TASP1: variants seen among roughly 807,000 people sequenced by gnomAD.
The protein encoded by TASP1 is taspase 1.
In TASP1, 16 loss-of-function variants were observed where a neutral mutation model predicts 56.6. That is an observed-to-expected ratio of 0.28 (90% CI 0.19 to 0.43). The LOEUF (loss-of-function observed/expected upper bound fraction) is 0.43, where lower values mean the gene tolerates loss of function less well. Ranked by LOEUF, TASP1 falls within the 20% of genes least tolerant of loss-of-function variation. The pLI is 1.00. For synonymous variants in TASP1, 179 were observed against 184.2 expected (o/e 0.97, Z 0.23); for missense variants, 393 against 511.6 (o/e 0.77, Z 2.24).
At chr20:13,269,632 G>T in the TASP1 span, among the ~76,000 whole-genome samples, 1 of 152,016 alleles carries the variant, frequency 6.6e-6, no homozygotes, top group African/African-American at 2.4e-5. Context: ...CCAGATTATG[G>T]CAGGGTGCCA....
chr20:13,154,275 C>CGT, the TASP1 span: 4 of 1,120,434 alleles, frequency 3.6e-6, no homozygotes, highest in Non-Finnish European at 5.0e-6. Context: ...TCTCGGAAGC[C>CGT]ACCTGTCACT....
the TASP1 span, among the ~76,000 whole-genome samples, chr20:13,249,491 G>A: frequency 0.11 from 16,349 of 152,240 alleles, 1,039 homozygotes; most frequent in African/African-American, 0.16. Context: ...CCAGGCAAAA[G>A]CCCAATCGAG....
At chr20:13,442,089 T>G (rs2043233518) in intron 11 of TASP1, among the ~76,000 whole-genome samples, 1 of 152,104 alleles carries the variant, frequency 6.6e-6, no homozygotes. Context: ...CCCCTAAGAT[T>G]TCCCCCTGGG....
chr20:13,405,396 A>G (rs534061052), intron 13 of TASP1, among the ~76,000 whole-genome samples: 2 of 152,332 alleles, frequency 1.3e-5, no homozygotes, highest in Admixed American at 6.5e-5. Context: ...TTTTTAAAAG[A>G]ATATTTTATT....
chr20:13,522,647 C>G (rs2044809622), intron 10 of TASP1, among the ~76,000 whole-genome samples: 2 of 152,100 alleles, frequency 1.3e-5, no homozygotes, highest in South Asian at 4.1e-4. Context: ...GAGATTTTAA[C>G]AAGCACTTGA....
chr20:13,299,570 T>TACAA, the TASP1 span: 13 of 979,080 alleles, frequency 1.3e-5, no homozygotes, highest in South Asian at 1.6e-5. The surrounding 1 kb of genome is among the most constrained non-coding windows in gnomAD (Gnocchi z 5.8). Flanking sequence ...TGTATATTTG[T>TACAA]ATATACCACA....
At chr20:13,253,733 GAATTA>G in the TASP1 span, among the ~76,000 whole-genome samples, 1 of 151,960 alleles carries the variant, frequency 6.6e-6, no homozygotes, top group African/African-American at 2.4e-5. Context: ...GAGAACACAT[GAATTA>G]AATTAATAAC....
At chr20:13,219,373 AG>A in the TASP1 span, among the ~76,000 whole-genome samples, 1 of 152,180 alleles carries the variant, frequency 6.6e-6, no homozygotes, top group Non-Finnish European at 1.5e-5. Flanking sequence ...GGATCCTTCC[AG>A]GATTTAAAAG....
the TASP1 span, among the ~76,000 whole-genome samples, chr20:13,382,857 C>T: frequency 2.0e-5 from 3 of 151,860 alleles, no homozygotes; most frequent in African/African-American, 4.8e-5. Flanking sequence ...GAAAGTGAAA[C>T]GTGACAGAAA....
chr20:13,278,243 C>T, the TASP1 span, among the ~76,000 whole-genome samples: 1 of 152,122 alleles, frequency 6.6e-6, no homozygotes, highest in Non-Finnish European at 1.5e-5. Flanking sequence ...ATTCTTCCAG[C>T]CCCGTGACAG....
the TASP1 span, among the ~76,000 whole-genome samples, chr20:13,171,561 A>G: frequency 6.6e-6 from 1 of 152,218 alleles, no homozygotes; most frequent in Non-Finnish European, 1.5e-5. Context: ...CATAATATAG[A>G]AAAATGAAAA....
the TASP1 span, among the ~76,000 whole-genome samples, chr20:13,193,098 G>A: frequency 4.6e-5 from 7 of 151,820 alleles, no homozygotes; most frequent in Non-Finnish European, 7.4e-5. Flanking sequence ...AAATTTTTTC[G>A]GTATAATTAA....
the TASP1 span, among the ~76,000 whole-genome samples, chr20:13,361,665 A>C: frequency 6.6e-6 from 1 of 151,974 alleles, no homozygotes; most frequent in Non-Finnish European, 1.5e-5. Context: ...CCCCCAAAAA[A>C]ACTTGTCATC....
intron 3 of TASP1, among the ~76,000 whole-genome samples, chr20:13,624,511 G>A (rs2048819257): frequency 1.3e-5 from 2 of 152,092 alleles, no homozygotes; most frequent in African/African-American, 2.4e-5. Flanking sequence ...AAATATCAAT[G>A]AAAAGAGCAG....
At chr20:13,483,168 C>G in intron 11 of TASP1, 59 bp downstream of exon 11, 1 of 1,285,504 alleles carries the variant, frequency 7.8e-7, no homozygotes, top group Non-Finnish European at 1.1e-6. Flanking sequence ...ACTCATAGTG[C>G]TTATAGAAGT....
chr20:13,281,704 T>C, the TASP1 span, among the ~76,000 whole-genome samples: 1 of 152,098 alleles, frequency 6.6e-6, no homozygotes, highest in Non-Finnish European at 1.5e-5. Context: ...GTGCTTAGGT[T>C]GGAAGATAGG....
chr20:13,179,362 T>TA, the TASP1 span, among the ~76,000 whole-genome samples: 2 of 151,922 alleles, frequency 1.3e-5, no homozygotes, highest in African/African-American at 4.8e-5. Flanking sequence ...AAAATATCTT[T>TA]AAAAAACTAT....
chr20:13,483,405 T>TAAGGGTGTTCTAATGCTA, intron 10 of TASP1, 68 bp from the exon 11 acceptor site: 11 of 1,043,164 alleles, frequency 1.1e-5, no homozygotes, highest in Non-Finnish European at 1.5e-5. Flanking sequence ...TTCAATAGCA[T>TAAGGGTGTTCTAATGCTA]TAGAACACCC....
chr20:13,248,474 A>G, the TASP1 span, among the ~76,000 whole-genome samples: 2 of 152,224 alleles, frequency 1.3e-5, no homozygotes, highest in African/African-American at 4.8e-5. Flanking sequence ...TTCAAGATCA[A>G]TCTCAGGAGA....
Sources: gnomAD v4.1 joint callset for allele counts (sites outside exome capture counted in the v4.1 genomes callset) on GRCh38, gnomAD v4.1.1 for gene constraint, Gnocchi (gnomAD v3.1) non-coding constraint, MANE v1.5 for transcripts, NCBI Gene and HGNC (gene_info 2026-07-23, HGNC 2026-07-21) for gene names.